Variants in PRKG1 observed in about 807,000 individuals in gnomAD.
PRKG1 encodes protein kinase cGMP-dependent 1.
A neutral mutation model predicts 88.1 loss-of-function variants in PRKG1; 35 were observed. That is an observed-to-expected ratio of 0.40 (90% CI 0.30 to 0.53). The LOEUF is 0.53. Ranked by LOEUF, PRKG1 falls within the 20% of genes least tolerant of loss-of-function variation. The pLI is 0.59. For missense variants in PRKG1, 540 were observed against 839.8 expected (o/e 0.64, Z 4.41); for synonymous variants, 303 against 292.5 (o/e 1.04, Z -0.37).
intron 9 of PRKG1, among the ~76,000 whole-genome samples, chr10:52,168,171 G>T (rs191553308): frequency 2.0e-4 from 30 of 152,284 alleles, no homozygotes; most frequent in Admixed American, 1.6e-3. Flanking sequence ...GGAGCTTATG[G>T]TCCAGTGGGG....
chr10:51,593,685 T>C (rs1838368101), intron 3 of PRKG1, among the ~76,000 whole-genome samples: 1 of 152,046 alleles, frequency 6.6e-6, no homozygotes, highest in South Asian at 2.1e-4. Flanking sequence ...ATTAGAGTGG[T>C]ATTGTGTGTT....
intron 13 of PRKG1, 30 bp downstream of exon 13, chr10:52,280,960 C>T: frequency 1.3e-6 from 2 of 1,587,568 alleles, no homozygotes; most frequent in Non-Finnish European, 1.7e-6. Flanking sequence ...GCTTTCTGCC[C>T]TGCAGATTAA....
At chr10:51,535,835 GTC>G (rs1348402669) in intron 3 of PRKG1, among the ~76,000 whole-genome samples, 1 of 150,798 alleles carries the variant, frequency 6.6e-6, no homozygotes, top group African/African-American at 2.4e-5. Flanking sequence ...CAATTCTCCT[GTC>G]TCAGCCTCCT....
At chr10:51,800,745 A>C (rs932628871) in intron 3 of PRKG1, among the ~76,000 whole-genome samples, 2 of 152,034 alleles carry the variant, frequency 1.3e-5, no homozygotes, top group African/African-American at 4.8e-5. Flanking sequence ...TGATGCCCCT[A>C]TTCCTTGTTA....
intron 2 of PRKG1, among the ~76,000 whole-genome samples, chr10:51,296,013 A>C (rs184644763): frequency 6.6e-6 from 1 of 152,194 alleles, no homozygotes; most frequent in Admixed American, 6.5e-5. Context: ...TTTACACCCC[A>C]GGGATAAATA....
At chr10:51,977,052 A>G (rs137888074) in intron 5 of PRKG1, among the ~76,000 whole-genome samples, 5 of 152,002 alleles carry the variant, frequency 3.3e-5, no homozygotes, top group African/African-American at 4.8e-5. Flanking sequence ...TATTGTACAG[A>G]TTATTTTATC....
intron 5 of PRKG1, among the ~76,000 whole-genome samples, chr10:51,984,698 G>A (rs1490925544): frequency 6.6e-6 from 1 of 152,140 alleles, no homozygotes; most frequent in Non-Finnish European, 1.5e-5. Flanking sequence ...GTGGTAATGT[G>A]AGAGCCATTT....
rs115747552 is a variant in PRKG1 at position 51,807,935 on chromosome 10, T to C, written c.698+3245T>C. Among the ~76,000 whole-genome samples, 462 of 152,258 alleles carry C rather than the reference T, an allele frequency of 3.0e-3. 1 individual carries two copies. The highest frequency in any genetic ancestry group is 0.01 in the Middle Eastern group (3 of 294). On this transcript the variant is annotated intron_variant, in intron 4 of 17. Coordinates refer to ENST00000373980, the MANE Select transcript of PRKG1 (RefSeq NM_006258.4). ...GAGAAGGTCAGAAAGAAAGGTGTTC[T>C]GAGGCCTTCCCTTCAGGGTGTGTTT...
chr10:51,628,979 AC>A (rs1280734763), intron 3 of PRKG1, among the ~76,000 whole-genome samples: 1 of 141,526 alleles, frequency 7.1e-6, no homozygotes, highest in African/African-American at 2.7e-5. Context: ...AAAAAAAAAA[AC>A]AAAAACAAAA....
At chr10:52,269,150 T>A (rs1023720548) in intron 10 of PRKG1, among the ~76,000 whole-genome samples, 2 of 152,092 alleles carry the variant, frequency 1.3e-5, no homozygotes, top group African/African-American at 2.4e-5. Flanking sequence ...TGCACAACAG[T>A]CCTCACTAGT....
rs12255838 is a variant in PRKG1 at position 51,737,516 on chromosome 10, G to A, written c.593-67069G>A. Among the ~76,000 whole-genome samples, 944 of 152,108 alleles carry A rather than the reference G, an allele frequency of 6.2e-3. 12 individuals are homozygous for A. Among genetic ancestry groups the A allele is most frequent in the African/African-American group, 0.021 (887 of 41,520 alleles). On this transcript the variant is annotated intron_variant, in intron 3 of 17. Transcript: ENST00000373980. ...TTGTTGTATTTCCCATTACATAAAG[G>A]GGTAGGTTTCACTGGTGTCGAAGGA...
chr10:51,420,096 G>A (rs112414702), intron 2 of PRKG1, among the ~76,000 whole-genome samples: 15 of 152,084 alleles, frequency 9.9e-5, no homozygotes, highest in African/African-American at 3.6e-4. Context: ...TTTATGTCTG[G>A]CATTGGCTTG....
intron 2 of PRKG1, among the ~76,000 whole-genome samples, chr10:51,282,796 C>T (rs1194896755): frequency 6.6e-6 from 1 of 151,928 alleles, no homozygotes; most frequent in Non-Finnish European, 1.5e-5. Context: ...AAAAAACTAC[C>T]CAGGGTACCC....
chr10:51,191,672 A>G (rs1322498959), intron 2 of PRKG1, among the ~76,000 whole-genome samples: 1 of 151,762 alleles, frequency 6.6e-6, no homozygotes, highest in Non-Finnish European at 1.5e-5. Flanking sequence ...TGATATTACC[A>G]TTATCCTCAT....
At chr10:51,037,629 C>T (rs1843368017) in intron 1 of PRKG1, among the ~76,000 whole-genome samples, 1 of 151,682 alleles carries the variant, frequency 6.6e-6, no homozygotes, top group South Asian at 2.1e-4. Flanking sequence ...ACTAAAAATA[C>T]AAAAATTAGC....
chr10:51,442,809 G>C (rs1427293422), intron 2 of PRKG1, among the ~76,000 whole-genome samples: 1 of 152,024 alleles, frequency 6.6e-6, no homozygotes, highest in Non-Finnish European at 1.5e-5. Flanking sequence ...TCTTTATGCT[G>C]TAGCATAGCC....
At chr10:51,116,867 C>A (rs1390137758) in intron 1 of PRKG1, among the ~76,000 whole-genome samples, 5 of 152,132 alleles carry the variant, frequency 3.3e-5, no homozygotes, top group Admixed American at 2.0e-4. Flanking sequence ...GATTGTTCCA[C>A]CCTTTGGCAT....
chr10:52,255,648 C>T (rs2132407736), intron 10 of PRKG1, among the ~76,000 whole-genome samples: 1 of 152,008 alleles, frequency 6.6e-6, no homozygotes, highest in Middle Eastern at 3.4e-3. Context: ...GACTCACAGT[C>T]TACTGGGAGG....
chr10:51,804,841 C>T (rs1475259931), intron 4 of PRKG1, 151 bp downstream of exon 4: 6 of 585,692 alleles, frequency 1.0e-5, no homozygotes, highest in Non-Finnish European at 1.8e-5. Flanking sequence ...TTCGAACATG[C>T]TTCTTTATAT....
Sources: gnomAD v4.1 joint callset for allele counts (sites outside exome capture counted in the v4.1 genomes callset) on GRCh38, gnomAD v4.1.1 for gene constraint, MANE v1.5 for transcripts, NCBI Gene and HGNC (gene_info 2026-07-23, HGNC 2026-07-21) for gene names.